The following NAALADL2 variants were observed in gnomAD, a reference collection of about 807,000 sequenced individuals.
NAALADL2 encodes inactive N-acetylated-alpha-linked acidic dipeptidase-like protein 2.
In NAALADL2, 76 loss-of-function variants were observed where a neutral mutation model predicts 87.2. That is an observed-to-expected ratio of 0.87 (90% CI 0.72 to 1.05). NAALADL2 has a LOEUF of 1.05. Ranked by LOEUF, NAALADL2 falls within the 50% of genes least tolerant of loss-of-function variation. The pLI is 0.00. For synonymous variants in NAALADL2, 354 were observed against 331.0 expected (o/e 1.07, Z -0.75); for missense variants, 1,089 against 945.8 (o/e 1.15, Z -1.99).
At chr3:174,494,239 G>A (rs917178207) in intron 1 of NAALADL2, among the ~76,000 whole-genome samples, 1 of 152,152 alleles carries the variant, frequency 6.6e-6, no homozygotes, top group South Asian at 2.1e-4. Flanking sequence ...GAAAATAAGG[G>A]TTTACTTGAA....
intron 2 of NAALADL2, among the ~76,000 whole-genome samples, chr3:175,204,827 A>G (rs1740579549): frequency 6.6e-6 from 1 of 152,116 alleles, no homozygotes; most frequent in Non-Finnish European, 1.5e-5. Flanking sequence ...CAAATCAAGA[A>G]TTCAACCCCT....
chr3:174,786,760 G>C (rs1052964242), intron 3 of NAALADL2, among the ~76,000 whole-genome samples: 1 of 152,030 alleles, frequency 6.6e-6, no homozygotes, highest in Non-Finnish European at 1.5e-5. Context: ...GGAAACACAA[G>C]GTTTGTTAGA....
At chr3:175,743,537 T>G (rs1433409833) in intron 12 of NAALADL2, among the ~76,000 whole-genome samples, 1 of 152,198 alleles carries the variant, frequency 6.6e-6, no homozygotes, top group Non-Finnish European at 1.5e-5. Flanking sequence ...AAAGGATGTA[T>G]GTAATGAATG....
At chr3:175,405,038 A>G (rs537723780) in intron 5 of NAALADL2, among the ~76,000 whole-genome samples, 2 of 152,280 alleles carry the variant, frequency 1.3e-5, no homozygotes, top group African/African-American at 4.8e-5. Context: ...AATCTATACA[A>G]TCACCTATAT....
At chr3:175,051,606 A>G (rs1755399052) in intron 1 of NAALADL2, among the ~76,000 whole-genome samples, 1 of 152,224 alleles carries the variant, frequency 6.6e-6, no homozygotes, top group Non-Finnish European at 1.5e-5. Flanking sequence ...TAGCTAAGGC[A>G]GAGGTTTAGA....
intron 11 of NAALADL2, among the ~76,000 whole-genome samples, chr3:175,659,760 T>C (rs1731991447): frequency 6.6e-6 from 1 of 152,186 alleles, no homozygotes; most frequent in African/African-American, 2.4e-5. Context: ...GATCTTGAGA[T>C]TTCTGTATCA....
chr3:175,787,062 T>C lies in NAALADL2; in HGVS notation c.2190-15943T>C, dbSNP rs554925731. 6.2e-3 allele frequency among the ~76,000 whole-genome samples: 945 copies of C among 152,102 alleles called. 12 individuals carry two copies. The highest frequency in any genetic ancestry group is 0.022 in the African/African-American group (897 of 41,530). ...CAGGGACCCACTTGAGGAGGCAGTC[T>C]GCCTGTTCTCAGATCTCCAGCTGTG... On this transcript the variant is annotated intron_variant, in intron 13 of 13. Transcript: ENST00000454872.
At chr3:174,557,474 A>G (rs941081456) in intron 2 of NAALADL2, among the ~76,000 whole-genome samples, 5 of 151,972 alleles carry the variant, frequency 3.3e-5, no homozygotes, top group African/African-American at 1.2e-4. Context: ...ATCTTTTTAA[A>G]CTCTGGGGAT....
At chr3:175,151,904 A>G (rs1731601248) in intron 2 of NAALADL2, among the ~76,000 whole-genome samples, 1 of 152,230 alleles carries the variant, frequency 6.6e-6, no homozygotes, top group African/African-American at 2.4e-5. Flanking sequence ...TGAAGGGAAC[A>G]TAGTAATTAC....
At chr3:174,935,274 G>T (rs1737527223) in intron 1 of NAALADL2, among the ~76,000 whole-genome samples, 1 of 152,022 alleles carries the variant, frequency 6.6e-6, no homozygotes, top group Admixed American at 6.6e-5. Context: ...CGTTTGCCTG[G>T]GTGTTCTTTG....
chr3:175,708,943 A>G (rs1371428304), intron 11 of NAALADL2, among the ~76,000 whole-genome samples: 1 of 151,782 alleles, frequency 6.6e-6, no homozygotes, highest in African/African-American at 2.4e-5. Flanking sequence ...TCTCCCCTAA[A>G]CCTGATAATA....
chr3:175,075,043 A>G (rs1249768962), intron 1 of NAALADL2, among the ~76,000 whole-genome samples: 1 of 152,148 alleles, frequency 6.6e-6, no homozygotes, highest in Non-Finnish European at 1.5e-5. Flanking sequence ...GACAGTTAAC[A>G]TTATTGAACA....
chr3:175,416,165 T>C (rs897403049), intron 5 of NAALADL2, among the ~76,000 whole-genome samples: 5 of 152,026 alleles, frequency 3.3e-5, no homozygotes, highest in African/African-American at 1.2e-4. Flanking sequence ...AGAAATATAT[T>C]TCACAGAAAC....
At chr3:175,449,439 A>G (rs1006637743) in intron 6 of NAALADL2, among the ~76,000 whole-genome samples, 5 of 127,536 alleles carry the variant, frequency 3.9e-5, no homozygotes, top group Admixed American at 2.0e-4. Context: ...TCTGTCTCCC[A>G]GACTGCAGTG....
At chr3:175,079,242 AT>A (rs1302999880) in intron 1 of NAALADL2, 1 of 152,098 alleles carries the variant, frequency 6.6e-6, no homozygotes, top group Non-Finnish European at 1.5e-5. Flanking sequence ...CGAGGAATTT[AT>A]TTTCAGATCA....
intron 1 of NAALADL2, among the ~76,000 whole-genome samples, chr3:174,891,854 C>G (rs893213938): frequency 2.6e-5 from 4 of 152,076 alleles, no homozygotes; most frequent in African/African-American, 9.7e-5. Flanking sequence ...TAACCCTTCC[C>G]TAACCCCAGA....
At chr3:174,841,884 T>TC (rs1724059251) in intron 3 of NAALADL2, among the ~76,000 whole-genome samples, 1 of 152,170 alleles carries the variant, frequency 6.6e-6, no homozygotes. Flanking sequence ...TTCTCTCCTT[T>TC]CATGCCTTCC....
intron 1 of NAALADL2, among the ~76,000 whole-genome samples, chr3:174,462,292 G>A (rs2108293967): frequency 6.6e-6 from 1 of 152,154 alleles, no homozygotes; most frequent in East Asian, 1.9e-4. Flanking sequence ...CACAAAAACA[G>A]CTTCATTGTG....
intron 2 of NAALADL2, among the ~76,000 whole-genome samples, chr3:174,651,497 T>C (rs1258257123): frequency 6.6e-6 from 1 of 152,228 alleles, no homozygotes; most frequent in Non-Finnish European, 1.5e-5. Context: ...TTTGCCTTTA[T>C]ACAGCACTTA....
Sources: allele counts gnomAD v4.1 joint callset (sites outside exome capture counted in the v4.1 genomes callset), GRCh38; gene constraint gnomAD v4.1.1; transcripts MANE v1.5; gene names NCBI Gene and HGNC (gene_info 2026-07-23, HGNC 2026-07-21).